IVNS1ABP: variants seen among roughly 807,000 people sequenced by gnomAD.
IVNS1ABP encodes the protein influenza virus NS1A binding protein, also known as influenza virus NS1A-binding protein.
In IVNS1ABP, 25 loss-of-function variants were observed where a neutral mutation model predicts 78.9. The ratio of observed to expected loss-of-function variants is 0.32; its 90% CI spans 0.23 to 0.44. IVNS1ABP has a LOEUF of 0.44. Ranked by LOEUF, IVNS1ABP falls within the 20% of genes least tolerant of loss-of-function variation. The pLI is 1.00. For missense variants in IVNS1ABP, 494 were observed against 768.9 expected (o/e 0.64, Z 4.23); for synonymous variants, 241 against 259.7 (o/e 0.93, Z 0.69).
chr1:185,304,109 T>G (rs963145224), intron 8 of IVNS1ABP, among the ~76,000 whole-genome samples: 1 of 152,112 alleles, frequency 6.6e-6, no homozygotes, highest in African/African-American at 2.4e-5. Context: ...GCTCAAAAGT[T>G]ACCTCTTGTG....
In IVNS1ABP at chr1:185,303,475, C is replaced by G. The variant is rs569014076; in HGVS notation, c.766-1912G>C. ...CTATTCCTGAAGTCTAACATGTGTC[C>G]CTCGCATCCTCTTCATGATCTCTAT... On this transcript the variant is annotated intron_variant, in intron 8 of 14. Transcript: ENST00000367498. Among the ~76,000 whole-genome samples the G allele has an allele frequency of 2.0e-5, 3 of 152,000 alleles. No homozygotes were observed. In the East Asian group the frequency reaches 5.8e-4, roughly 29 times the overall value.
chr1:185,298,305 A>T lies in IVNS1ABP; in HGVS notation c.1676-17T>A. On this transcript the variant is annotated splice_polypyrimidine_tract_variant and intron_variant, in intron 14 of 14. Transcript: ENST00000367498. The surrounding 1 kb of genome is among the most constrained non-coding windows in gnomAD (Gnocchi z 4.1). Reference sequence around the variant, plus strand: ...ACAGTTTTCCTAAAAGAGAAATGAGATGGGGTAAATCCAGAGATTAAAGTG... The same window carrying T: ...ACAGTTTTCCTAAAAGAGAAATGAGTTGGGGTAAATCCAGAGATTAAAGTG... The T allele has an allele frequency of 6.2e-7, 1 of 1,609,990 alleles. No individual in the cohort carries two copies.
At chr1:185,306,576 G>C (rs995495646) in intron 7 of IVNS1ABP, 6 of 1,271,018 alleles carry the variant, frequency 4.7e-6, no homozygotes, top group Non-Finnish European at 6.1e-6. Flanking sequence ...ATACACTTGA[G>C]GTTTCTTCTT....
chr1:185,309,335 C>G (rs1427519794), intron 3 of IVNS1ABP, 48 bp downstream of exon 3: 2 of 1,354,316 alleles, frequency 1.5e-6, no homozygotes, highest in Non-Finnish European at 2.0e-6. Context: ...GAACTTATGG[C>G]TTTTAGTAAT....
intron 2 of IVNS1ABP, among the ~76,000 whole-genome samples, chr1:185,310,345 C>T (rs140259926): frequency 4.1e-4 from 62 of 152,282 alleles, no homozygotes; most frequent in African/African-American, 1.5e-3. Flanking sequence ...CTATGGCTCA[C>T]ACCTGTAATC....
intron 8 of IVNS1ABP, among the ~76,000 whole-genome samples, chr1:185,303,567 C>T (rs1286472112): frequency 6.6e-6 from 1 of 152,042 alleles, no homozygotes; most frequent in Non-Finnish European, 1.5e-5. Context: ...TCTTTCTTTT[C>T]CCTAATCTTG....
rs750061329 is a variant in IVNS1ABP at position 185,298,054 on chromosome 1, G to T, written c.1910C>A (p.Thr637Lys). The stretch of plus-strand genomic sequence containing the variant: ...AATTTGTTAAAACTGGAAAATCTTT[G>T]TATAGGGGCTCCATTCATTTGACTC... ...NLESNEWSPY[T>K]KIFQF Residue 637 changes from threonine to lysine, a missense_variant, in exon 15 of 15, where the codon ACA (threonine) becomes AAA (lysine). Physicochemically the swap from Thr to Lys is moderately conservative, Grantham distance 78. Transcript: ENST00000367498. The surrounding 1 kb of genome is among the most constrained non-coding windows in gnomAD (Gnocchi z 4.1). 3.7e-6 allele frequency: 6 copies of T among 1,613,410 alleles called. No individual in the cohort carries two copies. The highest frequency in any genetic ancestry group is 2.2e-5 in the East Asian group (1 of 44,858).
At chr1:185,300,817 T>C (rs1000999866) in intron 10 of IVNS1ABP, 155 bp downstream of exon 10, 6 of 695,084 alleles carry the variant, frequency 8.6e-6, no homozygotes, top group East Asian at 8.2e-5. Flanking sequence ...GATACAGACA[T>C]TGAACTGAAG....
intron 3 of IVNS1ABP, 86 bp from the exon 4 acceptor site, chr1:185,309,258 A>G (rs968022618): frequency 4.4e-5 from 53 of 1,211,494 alleles, no homozygotes; most frequent in Non-Finnish European, 5.9e-5. Flanking sequence ...TTTATCTTAC[A>G]TTTCTCAGTA....
In IVNS1ABP at chr1:185,296,931, G is replaced by A. The variant is rs965842618; in HGVS notation, c.*1104C>T. ...GGATTTCCTGCAAAGTACCTTTAAT[G>A]TGTTTAAATCAGCAGCAAGCATTAG... On this transcript the variant is annotated 3_prime_UTR_variant, in exon 15 of 15. Coordinates refer to ENST00000367498, the MANE Select transcript of IVNS1ABP (RefSeq NM_006469.5). The A allele has an allele frequency of 6.6e-6, 1 of 152,094 alleles. No homozygotes were observed. Among genetic ancestry groups the A allele is most frequent in the African/African-American group, 2.4e-5 (1 of 41,412 alleles). The allele number at this position is 152,094 out of a possible 1,614,324, so 9.4% of individuals were successfully genotyped here.
Position 185,299,824 on chromosome 1 carries a change from C to G in IVNS1ABP, c.1561G>C (p.Glu521Gln). The change falls in exon 14 of 15, where the codon GAA (glutamate) becomes CAA (glutamine). Residue 521 changes from glutamate (E) to glutamine (Q), a missense_variant. Transcript: ENST00000367498. ...GGYLYIIGGA[E>Q]SWNCLNTVER... ...ACTGTGTTCAGACAATTCCAAGATT[C>G]TGCACCTCCGATTATGTACAAATAA... 1 of 1,613,748 alleles carries G rather than the reference C, an allele frequency of 6.2e-7. No individual in the cohort carries two copies.
chr1:185,301,515 T>C lies in IVNS1ABP; in HGVS notation c.814A>G (p.Thr272Ala). 1 of 1,613,224 alleles carries C rather than the reference T, an allele frequency of 6.2e-7. No individual in the cohort carries two copies. The highest frequency in any genetic ancestry group is 1.1e-5 in the South Asian group (1 of 91,070). ...NGHKQISSSS[T>A]GCLSSPNATV... is the part of the protein sequence containing the mutation. The stretch of plus-strand genomic sequence containing the variant: ...GCATTTGGAGAAGAGAGACATCCAG[T>C]TGAACTGCTACTTATCTGCTTATGG... The change falls in exon 9 of 15, where the codon ACT becomes GCT. Residue 272 changes from threonine to alanine, a missense_variant. Physicochemically the swap from Thr to Ala is moderately conservative, Grantham distance 58 (BLOSUM62 0). Coordinates refer to ENST00000367498, the MANE Select transcript of IVNS1ABP (RefSeq NM_006469.5).
rs892350836 is a variant in IVNS1ABP at position 185,298,055 on chromosome 1, T to C, written c.1909A>G (p.Thr637Ala). The stretch of plus-strand genomic sequence containing the variant: ...ATTTGTTAAAACTGGAAAATCTTTG[T>C]ATAGGGGCTCCATTCATTTGACTCA... ...NLESNEWSPY[T>A]KIFQF The change falls in exon 15 of 15, where the codon ACA becomes GCA. Residue 637 changes from threonine (T) to alanine (A), a missense_variant. Physicochemically the swap from Thr to Ala is moderately conservative, Grantham distance 58. Transcript: ENST00000367498. This position sits in a 1 kb window ranked among gnomAD's most constrained non-coding sequence, Gnocchi z 4.1. 2.0e-5 allele frequency: 33 copies of C among 1,613,530 alleles called. No individual in the cohort carries two copies. Among genetic ancestry groups the C allele is most frequent in the Non-Finnish European group, 2.7e-5 (32 of 1,179,662 alleles).
At chr1:185,306,317 C>T in intron 7 of IVNS1ABP, 1 of 391,878 alleles carries the variant, frequency 2.6e-6, no homozygotes, top group Non-Finnish European at 4.2e-6. Context: ...CTCAAGGTTA[C>T]TCCACTGCTC....
intron 1 of IVNS1ABP, among the ~76,000 whole-genome samples, chr1:185,315,351 C>G (rs1332771708): frequency 6.6e-6 from 1 of 152,162 alleles, no homozygotes; most frequent in Admixed American, 6.5e-5. Flanking sequence ...TAATTTAAAA[C>G]TAAGACTAAA....
chr1:185,305,604 C>T lies in IVNS1ABP; in HGVS notation c.697G>A (p.Asp233Asn). 6.2e-7 allele frequency: 1 copy of T among 1,613,362 alleles called. No individual in the cohort carries two copies. Among genetic ancestry groups the T allele is most frequent in the Non-Finnish European group, 8.5e-7 (1 of 1,179,562 alleles). ...LYYSADHKLL[D>N]GNLLDGQAEV... ...GCCTGTCCATCTAGTAGGTTCCCATCAAGCAGCTTGTGATCAGCTGAGTAG... is the reference window on the plus strand; with the variant it reads ...GCCTGTCCATCTAGTAGGTTCCCATTAAGCAGCTTGTGATCAGCTGAGTAG... The change falls in exon 8 of 15, where the codon GAT becomes AAT. Residue 233 changes from aspartate to asparagine, a missense_variant. By Grantham distance (23) the Asp-to-Asn change is conservative. Transcript: ENST00000367498. This position sits in a 1 kb window ranked among gnomAD's most constrained non-coding sequence, Gnocchi z 4.0.
At position 185,301,459 on chromosome 1, in the gene IVNS1ABP, T is replaced by A; in HGVS notation, c.870A>T (p.Lys290Asn). 6.2e-7 allele frequency: 1 copy of A among 1,613,286 alleles called. No individual in the cohort carries two copies. Among genetic ancestry groups the A allele is most frequent in the Non-Finnish European group, 8.5e-7 (1 of 1,179,450 alleles). The change falls in exon 9 of 15, where the codon AAA becomes AAT. Residue 290 changes from lysine to asparagine, a missense_variant. Lys to Asn is a moderately conservative substitution (Grantham distance 94). Coordinates refer to ENST00000367498, the MANE Select transcript of IVNS1ABP (RefSeq NM_006469.5). ...ATVQSPKHEW[K>N]IVASEKTSNN... ...TTGAAGTCTTTTCTGAAGCAACGAT[T>A]TTCCACTCATGCTTAGGGCTTTGTA...
chr1:185,306,762 A>C, intron 7 of IVNS1ABP: 1 of 688,288 alleles, frequency 1.5e-6, no homozygotes, highest in Non-Finnish European at 2.1e-6. Context: ...TCTAAAGCAA[A>C]TTACATGCTA....
chr1:185,303,911 T>C (rs1253129357), intron 8 of IVNS1ABP, among the ~76,000 whole-genome samples: 1 of 152,172 alleles, frequency 6.6e-6, no homozygotes, highest in East Asian at 1.9e-4. Flanking sequence ...TGCAAAACTT[T>C]CGTATCACTG....
Sources: gnomAD v4.1 joint callset for allele counts (sites outside exome capture counted in the v4.1 genomes callset) on GRCh38, gnomAD v4.1.1 for gene constraint, Gnocchi (gnomAD v3.1) non-coding constraint, MANE v1.5 for transcripts, NCBI Gene and HGNC (gene_info 2026-07-23, HGNC 2026-07-21) for gene names.